STK38L: variants seen among roughly 807,000 people sequenced by gnomAD.
STK38L encodes the protein serine/threonine kinase 38 like, also known as serine/threonine-protein kinase 38-like.
STK38L carries 28 observed loss-of-function variants against 59.7 expected under a neutral mutation model. That is an observed-to-expected ratio of 0.47 (90% CI 0.35 to 0.64). The LOEUF (loss-of-function observed/expected upper bound fraction) is 0.64, where lower values mean the gene tolerates loss of function less well. Ranked by LOEUF, STK38L falls within the 30% of genes least tolerant of loss-of-function variation. The probability of loss-of-function intolerance (pLI) is 0.01; values close to 1 mark genes in which losing one functional copy is unlikely to be tolerated. For missense variants in STK38L, 314 were observed against 555.8 expected (o/e 0.56, Z 4.37); for synonymous variants, 162 against 176.8 (o/e 0.92, Z 0.66).
chr12:27,322,165 A>G lies in STK38L; in HGVS notation c.1198A>G (p.Ile400Val), dbSNP rs1199775474. ...HIRERPAAIP[I>V]EIKSIDDTSN... ...TAGGGAAAGGCCAGCAGCAATCCCT[A>G]TAGAAATCAAAAGCATTGATGATAC... is the stretch of plus-strand genomic sequence containing the variant. The change falls in exon 13 of 14, where the codon ATA (isoleucine) becomes GTA (valine). Residue 400 changes from isoleucine to valine, a missense_variant. Transcript: ENST00000389032. 5 of 1,613,804 alleles carry G rather than the reference A, an allele frequency of 3.1e-6. No individual in the cohort carries two copies. The highest frequency in any genetic ancestry group is 3.3e-4 in the Middle Eastern group (2 of 6,046).
In STK38L at chr12:27,308,435, G is replaced by A. The variant is rs1409067668; in HGVS notation, c.283G>A (p.Val95Ile). 1 of 1,593,252 alleles carries A rather than the reference G, an allele frequency of 6.3e-7. No homozygotes were observed. The highest frequency in any genetic ancestry group is 8.6e-7 in the Non-Finnish European group (1 of 1,168,790). The change falls in exon 4 of 14, where the codon GTT (valine) becomes ATT (isoleucine). Residue 95 changes from valine to isoleucine, a missense_variant. This residue lies in a region of STK38L where 192 missense variants were observed against 316.9 expected (regional missense o/e 0.61). Transcript: ENST00000389032. The surrounding 1 kb of genome is among the most constrained non-coding windows in gnomAD (Gnocchi z 4.5). ...CTTGGATGACTTTGAGTCTCTGAAA[G>A]TTATAGGAAGAGGAGCTTTTGGAGA... ...LGLDDFESLK[V>I]IGRGAFGEVR...
intron 1 of STK38L, among the ~76,000 whole-genome samples, chr12:27,280,234 G>A (rs1463132936): frequency 6.6e-6 from 1 of 152,058 alleles, no homozygotes; most frequent in African/African-American, 2.4e-5. Flanking sequence ...TTCTTGAGGC[G>A]GATAAGCAGT....
At chr12:27,314,933 T>C in intron 7 of STK38L, 82 bp from the exon 8 acceptor site, 3 of 1,053,690 alleles carry the variant, frequency 2.8e-6, no homozygotes, top group South Asian at 3.4e-5. Context: ...TTTATTATAA[T>C]TGCCATTTAA....
chr12:27,295,917 T>C (rs1016523036), intron 1 of STK38L, among the ~76,000 whole-genome samples: 2 of 152,160 alleles, frequency 1.3e-5, no homozygotes, highest in Non-Finnish European at 2.9e-5. Flanking sequence ...ATGGAAGAGC[T>C]TGGAGGCATG....
intron 1 of STK38L, among the ~76,000 whole-genome samples, chr12:27,257,864 CT>C (rs112918365): frequency 0.22 from 30,248 of 140,392 alleles, 3,092 homozygotes; most frequent in Non-Finnish European, 0.24. Context: ...TTATGTCAAG[CT>C]TTTTTTTTTT....
intron 1 of STK38L, among the ~76,000 whole-genome samples, chr12:27,252,703 G>T (rs536883444): frequency 3.7e-4 from 57 of 152,274 alleles, no homozygotes; most frequent in South Asian, 2.7e-3. Flanking sequence ...AAACAGAATA[G>T]ACTTTTTCTA....
chr12:27,249,445 C>A (rs1942925619), intron 1 of STK38L, among the ~76,000 whole-genome samples: 1 of 152,208 alleles, frequency 6.6e-6, no homozygotes, highest in African/African-American at 2.4e-5. Context: ...TCAAGTGATT[C>A]TCTTGCCTCA....
At chr12:27,290,596 C>T (rs1196054355) in intron 1 of STK38L, among the ~76,000 whole-genome samples, 1 of 152,242 alleles carries the variant, frequency 6.6e-6, no homozygotes, top group African/African-American at 2.4e-5. Flanking sequence ...ACTGAGGCTT[C>T]TTCACTTCTG....
chr12:27,289,360 A>G (rs1234498556), intron 1 of STK38L, among the ~76,000 whole-genome samples: 1 of 152,232 alleles, frequency 6.6e-6, no homozygotes, highest in Admixed American at 6.5e-5. Flanking sequence ...AAGTTTTAAA[A>G]AAAAATGAAG....
At chr12:27,317,851 T>C (rs772910374) in intron 10 of STK38L, 45 bp from the exon 11 acceptor site, 1 of 1,609,098 alleles carries the variant, frequency 6.2e-7, no homozygotes. Context: ...TAAACTTCAC[T>C]GCTCACAAAG....
chr12:27,310,934 A>C lies in STK38L; in HGVS notation c.394-1615A>C, dbSNP rs139208345. The stretch of plus-strand genomic sequence containing the variant: ...ATTTTGTTTTAGAAAGCTTTTTTCT[A>C]CTCAATTCTAATACATCAATATTTT... On this transcript the variant is annotated intron_variant, in intron 5 of 13. Coordinates refer to ENST00000389032, the MANE Select transcript of STK38L (RefSeq NM_015000.4). Among the ~76,000 whole-genome samples the C allele has an allele frequency of 1.9e-4, 29 of 152,262 alleles. No homozygotes were observed. The East Asian group carries it at 5.6e-3, about 29-fold the overall frequency.
intron 1 of STK38L, among the ~76,000 whole-genome samples, chr12:27,285,374 G>T (rs568762010): frequency 6.6e-6 from 1 of 152,268 alleles, no homozygotes; most frequent in South Asian, 2.1e-4. Flanking sequence ...TAAAATTTGA[G>T]TTTATATTTG....
At chr12:27,295,441 C>T (rs1387955508) in intron 1 of STK38L, among the ~76,000 whole-genome samples, 1 of 152,198 alleles carries the variant, frequency 6.6e-6, no homozygotes, top group Non-Finnish European at 1.5e-5. Context: ...CTTTTAATTT[C>T]TGACTTCTAC....
In STK38L at chr12:27,271,080, A is replaced by G. The variant is rs1332730842; in HGVS notation, c.-11-26630A>G. The stretch of plus-strand genomic sequence containing the variant: ...ATGAATCAGGTACTGCCCTAAGTGC[A>G]TTACATATATTAACTCACAACAATC... On this transcript the variant is annotated intron_variant, in intron 1 of 13. Transcript: ENST00000389032. Among the ~76,000 whole-genome samples the G allele has an allele frequency of 2.0e-5, 3 of 152,188 alleles. No homozygotes were observed. In the East Asian group the frequency reaches 5.8e-4, roughly 29 times the overall value.
At chr12:27,313,248 C>CA (rs748176392) in intron 6 of STK38L, among the ~76,000 whole-genome samples, 3,469 of 105,758 alleles carry the variant, frequency 0.033, 172 homozygotes, top group African/African-American at 0.1. Context: ...GACTACGTCT[C>CA]AAAAAAAAAA....
intron 1 of STK38L, among the ~76,000 whole-genome samples, chr12:27,264,336 T>C (rs1014177288): frequency 6.6e-6 from 1 of 152,232 alleles, no homozygotes; most frequent in East Asian, 1.9e-4. Flanking sequence ...TGGACTGATA[T>C]GCTGATGGAA....
chr12:27,300,953 C>T (rs1023662890), intron 2 of STK38L, among the ~76,000 whole-genome samples: 3 of 152,144 alleles, frequency 2.0e-5, no homozygotes, highest in South Asian at 2.1e-4. Context: ...ACCCTTATAC[C>T]CATTCAGTTA....
intron 1 of STK38L, among the ~76,000 whole-genome samples, chr12:27,259,080 T>C (rs1943149547): frequency 6.6e-6 from 1 of 152,250 alleles, no homozygotes; most frequent in African/African-American, 2.4e-5. Flanking sequence ...TTGGCAAGAC[T>C]TGTTCTTCCT....
rs545661599 is a variant in STK38L at position 27,325,668 on chromosome 12, A to G, written c.*3213A>G. Reference sequence around the variant, plus strand: ...GTGCACTTATTTCTGAAAAATCTTAATGAAACAAACGCTTAGAACAAATAT... The same window carrying G: ...GTGCACTTATTTCTGAAAAATCTTAGTGAAACAAACGCTTAGAACAAATAT... On this transcript the variant is annotated 3_prime_UTR_variant, in exon 14 of 14. Transcript: ENST00000389032. 6.6e-6 allele frequency: 1 copy of G among 152,312 alleles called. No individual in the cohort carries two copies. The highest frequency in any genetic ancestry group is 2.1e-4 in the South Asian group (1 of 4,830). 9.4% of individuals were successfully genotyped at this position (152,312 alleles called of 1,614,324 possible).
Sources: allele counts gnomAD v4.1 joint callset (sites outside exome capture counted in the v4.1 genomes callset), GRCh38; gene constraint gnomAD v4.1.1; regional missense constraint gnomAD v4.1.1; non-coding constraint Gnocchi (gnomAD v3.1); transcripts MANE v1.5; gene names NCBI Gene and HGNC (gene_info 2026-07-23, HGNC 2026-07-21).